PTPRD: variants seen among roughly 807,000 people sequenced by gnomAD.
PTPRD encodes receptor-type tyrosine-protein phosphatase delta.
A neutral mutation model predicts 214.5 loss-of-function variants in PTPRD; 34 were observed. That is an observed-to-expected ratio of 0.16 (90% CI 0.12 to 0.21). PTPRD has a LOEUF of 0.21. PTPRD is among the 10% of genes least tolerant of loss of function. PTPRD has a pLI of 1.00. For missense variants in PTPRD, 2,545 were observed against 2,398.7 expected (o/e 1.06, Z -1.27); for synonymous variants, 1,128 against 845.7 (o/e 1.33, Z -5.79).
chr9:9,470,762 A>C (rs1236995841), intron 8 of PTPRD, among the ~76,000 whole-genome samples: 1 of 152,190 alleles, frequency 6.6e-6, no homozygotes, highest in Non-Finnish European at 1.5e-5. Flanking sequence ...GTGTAACAAG[A>C]GCCTCCTTCA....
chr9:10,198,291 T>G (rs1050130962), intron 3 of PTPRD, among the ~76,000 whole-genome samples: 14 of 152,244 alleles, frequency 9.2e-5, no homozygotes, highest in Middle Eastern at 3.4e-3. Flanking sequence ...TACAGTATGA[T>G]AATTTCTAGT....
intron 33 of PTPRD, among the ~76,000 whole-genome samples, chr9:8,451,445 A>G (rs10977116): frequency 0.33 from 49,786 of 152,040 alleles, 9,197 homozygotes; most frequent in East Asian, 0.52. Context: ...AGAAAAAGAA[A>G]AGACAAAGGG....
intron 10 of PTPRD, among the ~76,000 whole-genome samples, chr9:9,160,749 A>T (rs1290527609): frequency 6.6e-6 from 1 of 152,200 alleles, no homozygotes; most frequent in Non-Finnish European, 1.5e-5. Flanking sequence ...TTGCAGCATT[A>T]TTCACAATAG....
At chr9:9,690,399 C>T (rs544172249) in intron 7 of PTPRD, among the ~76,000 whole-genome samples, 1 of 152,010 alleles carries the variant, frequency 6.6e-6, no homozygotes, top group African/African-American at 2.4e-5. Flanking sequence ...GTCAGATGGA[C>T]AGATTGAAGA....
At chr9:8,454,363 G>A (rs575088061) in intron 33 of PTPRD, among the ~76,000 whole-genome samples, 102 of 152,002 alleles carry the variant, frequency 6.7e-4, no homozygotes, top group Non-Finnish European at 1.3e-3. Context: ...TTTAAACTTC[G>A]CCTTTAATCT....
chr9:9,396,284 T>C (rs2067778371), intron 9 of PTPRD, among the ~76,000 whole-genome samples: 1 of 152,030 alleles, frequency 6.6e-6, no homozygotes, highest in Non-Finnish European at 1.5e-5. Flanking sequence ...TATACTACCT[T>C]ACTATTTACA....
chr9:8,501,459 G>C (rs927233836), intron 23 of PTPRD, among the ~76,000 whole-genome samples: 1 of 152,148 alleles, frequency 6.6e-6, no homozygotes, highest in East Asian at 1.9e-4. Flanking sequence ...TTGAGGGTCT[G>C]ATGATGCCTC....
At chr9:9,871,014 TAA>T (rs1002774002) in intron 5 of PTPRD, among the ~76,000 whole-genome samples, 20 of 152,244 alleles carry the variant, frequency 1.3e-4, no homozygotes, top group African/African-American at 4.8e-4. Flanking sequence ...CCATAAAAAT[TAA>T]GAGATGTATT....
At chr9:9,201,327 T>G (rs1593432341) in intron 9 of PTPRD, among the ~76,000 whole-genome samples, 1 of 152,278 alleles carries the variant, frequency 6.6e-6, no homozygotes, top group East Asian at 1.9e-4. Flanking sequence ...GGTGGCAAGG[T>G]CTTTCCTATT....
chr9:9,694,433 C>T (rs555276332), intron 7 of PTPRD, among the ~76,000 whole-genome samples: 1 of 151,986 alleles, frequency 6.6e-6, no homozygotes, highest in South Asian at 2.1e-4. Flanking sequence ...CTGTAGTGAG[C>T]CACCTGGAAT....
chr9:8,915,587 A>C lies in PTPRD; in HGVS notation c.-104+103110T>G, dbSNP rs1044949407. Among the ~76,000 whole-genome samples, 3 of 152,220 alleles carry C rather than the reference A, an allele frequency of 2.0e-5. No homozygotes were observed. In the East Asian group the frequency reaches 5.8e-4, roughly 29 times the overall value. ...TATACATATGTATCCCAAGAGCTAC[A>C]GCTGGCAAGCTAGAGACCTAGGTGA... is the stretch of plus-strand genomic sequence containing the variant. On this transcript the variant is annotated intron_variant, in intron 11 of 45. Coordinates refer to ENST00000381196, the MANE Select transcript of PTPRD (RefSeq NM_002839.4).
At chr9:8,332,413 G>GTAAAGCATCCC (rs1199214410) in intron 43 of PTPRD, among the ~76,000 whole-genome samples, 1 of 152,134 alleles carries the variant, frequency 6.6e-6, no homozygotes, top group Non-Finnish European at 1.5e-5. Flanking sequence ...TAAGTGGGAA[G>GTAAAGCATCCC]TAAAGCATCC....
chr9:9,540,989 A>T (rs546792877), intron 8 of PTPRD, among the ~76,000 whole-genome samples: 113 of 105,152 alleles, frequency 1.1e-3, no homozygotes, highest in African/African-American at 2.9e-3. Context: ...TGAAGATATT[A>T]AAAAAACAAC....
chr9:9,030,410 C>T (rs1292719543), intron 10 of PTPRD, among the ~76,000 whole-genome samples: 1 of 149,280 alleles, frequency 6.7e-6, no homozygotes, highest in Non-Finnish European at 1.5e-5. Flanking sequence ...GCATTTAATA[C>T]CTGCGTCCTC....
At chr9:9,459,934 A>G (rs138489860) in intron 8 of PTPRD, among the ~76,000 whole-genome samples, 1,715 of 152,248 alleles carry the variant, frequency 0.011, 40 homozygotes, top group African/African-American at 0.039. Flanking sequence ...ACATTACCTG[A>G]CTTCAAACTA....
intron 4 of PTPRD, among the ~76,000 whole-genome samples, chr9:9,966,421 T>C (rs1208744203): frequency 6.6e-6 from 1 of 152,208 alleles, no homozygotes; most frequent in Non-Finnish European, 1.5e-5. Context: ...AGGCGTGTGC[T>C]ATGGCAGCAA....
intron 21 of PTPRD, among the ~76,000 whole-genome samples, 188 bp from the exon 22 acceptor site, chr9:8,507,622 T>C (rs934578660): frequency 1.3e-5 from 2 of 152,178 alleles, no homozygotes; most frequent in African/African-American, 4.8e-5. Flanking sequence ...TTATAAATCC[T>C]GCTCTGGAGT....
At chr9:10,384,546 A>C (rs903180869) in intron 2 of PTPRD, among the ~76,000 whole-genome samples, 5 of 151,792 alleles carry the variant, frequency 3.3e-5, no homozygotes, top group African/African-American at 9.7e-5. Flanking sequence ...ATGTCTGTGA[A>C]ATTAAAAAGG....
rs539849222 is a variant in PTPRD, at chr9:8,951,024, T to C, written c.-104+67673A>G. Among the ~76,000 whole-genome samples, 7 of 152,232 alleles carry C rather than the reference T, an allele frequency of 4.6e-5. No homozygotes were observed. In the South Asian group the frequency reaches 1.0e-3, roughly 23 times the overall value. On this transcript the variant is annotated intron_variant, in intron 11 of 45. Coordinates refer to ENST00000381196, the MANE Select transcript of PTPRD (RefSeq NM_002839.4). ...TGGAAGAGTTCATTATTTAAAGATA[T>C]GTTTTTGGAATCCTTTTAGTAAGTA...
Sources: allele counts gnomAD v4.1 joint callset (sites outside exome capture counted in the v4.1 genomes callset), GRCh38; gene constraint gnomAD v4.1.1; transcripts MANE v1.5; gene names NCBI Gene and HGNC (gene_info 2026-07-23, HGNC 2026-07-21).